CHRNE: variants seen among roughly 807,000 people sequenced by gnomAD.
CHRNE encodes the protein cholinergic receptor nicotinic epsilon subunit.
CHRNE carries 58 observed loss-of-function variants against 56.5 expected under a neutral mutation model. The observed-to-expected ratio is 1.03, with a 90% CI of 0.83 to 1.28. The LOEUF is 1.28. Among genes scored for constraint, CHRNE ranks in the 50% most tolerant of loss-of-function variants. The pLI is 0.00. For missense variants in CHRNE, 793 were observed against 688.9 expected (o/e 1.15, Z -1.69); for synonymous variants, 385 against 297.9 (o/e 1.29, Z -3.01).
Position 4,901,175 on chromosome 17 carries a change from G to GC in CHRNE, c.616dup (p.Ala206GlyfsTer24). ...GATCACCCCCGGGCAGAAGTCGATG[G>GC]CCCACTCGCCGTTCTCTGCGGGACG... On this transcript the variant is annotated frameshift_variant, in exon 7 of 12. Transcript: ENST00000649488. LOFTEE classifies it high-confidence loss of function. 1 of 1,605,240 alleles carries GC rather than the reference G, an allele frequency of 6.2e-7. No individual in the cohort carries two copies. The highest frequency in any genetic ancestry group is 8.5e-7 in the Non-Finnish European group (1 of 1,178,584).
chr17:4,905,666 G>C (rs1049367103), upstream of CHRNE, among the ~76,000 whole-genome samples: 3 of 152,192 alleles, frequency 2.0e-5, no homozygotes, highest in Admixed American at 6.5e-5. Context: ...TTCGAGACCA[G>C]TCTGGCCAAC....
In CHRNE at chr17:4,898,727, C is replaced by T. The variant is rs1202566120; in HGVS notation, c.*9G>A. 1.2e-6 allele frequency: 2 copies of T among 1,607,972 alleles called. No individual in the cohort carries two copies. Among genetic ancestry groups the T allele is most frequent in the East Asian group, 2.2e-5 (1 of 44,716 alleles). On this transcript the variant is annotated 3_prime_UTR_variant, in exon 12 of 12. Coordinates refer to ENST00000649488, the MANE Select transcript of CHRNE (RefSeq NM_000080.4). ...CTGGAGATGGGTGGGAAATTGAAGT[C>T]GGTGCGAGCTAAGGCTGGATACACG... is the stretch of plus-strand genomic sequence containing the variant.
At chr17:4,906,540 G>A (rs150939486), upstream of CHRNE, among the ~76,000 whole-genome samples, 4 of 152,146 alleles carry the variant, frequency 2.6e-5, no homozygotes, top group East Asian at 1.9e-4. Context: ...TTGAATAGAC[G>A]CTTCTCAAAA....
upstream of CHRNE, among the ~76,000 whole-genome samples, chr17:4,904,813 A>T (rs138500784): frequency 2.8e-3 from 432 of 152,328 alleles, no homozygotes; most frequent in Non-Finnish European, 5.1e-3. Flanking sequence ...AAGCGAGGAC[A>T]CATCAAATAA....
chr17:4,898,645 G>T lies in CHRNE; in HGVS notation c.*91C>A. ...ACAAACTGCAGATTGATCAGCAGGG[G>T]GAAGGGATCATAATGCCGTGGTGGC... On this transcript the variant is annotated 3_prime_UTR_variant, in exon 12 of 12. Transcript: ENST00000649488. The T allele has an allele frequency of 1.3e-6, 2 of 1,486,024 alleles. No individual in the cohort carries two copies. Among genetic ancestry groups the T allele is most frequent in the East Asian group, 2.4e-5 (1 of 41,320 alleles). The allele number at this position is 1,486,024 out of a possible 1,614,324, so 92.1% of individuals were successfully genotyped here. A position where few individuals can be genotyped will look rare whatever the true frequency, so the allele number is the denominator to read the frequency against.
chr17:4,899,126 G>C lies in CHRNE; in HGVS notation c.1220-19C>G. 1 of 1,603,584 alleles carries C rather than the reference G, an allele frequency of 6.2e-7. No homozygotes were observed. Among genetic ancestry groups the C allele is most frequent in the Non-Finnish European group, 8.5e-7 (1 of 1,176,868 alleles). On this transcript the variant is annotated intron_variant, in intron 10 of 11. Coordinates refer to ENST00000649488, the MANE Select transcript of CHRNE (RefSeq NM_000080.4). Reference sequence around the variant, plus strand: ...AAGGCAGCTGGCGGGGAAAACACCGGGGTGGGCCTTAGGAGCCTCCCCCCT... The same window carrying C: ...AAGGCAGCTGGCGGGGAAAACACCGCGGTGGGCCTTAGGAGCCTCCCCCCT...
At chr17:4,898,952 CAG>C (rs1384870742) in intron 11 of CHRNE, 47 bp downstream of exon 11, 2 of 1,559,490 alleles carry the variant, frequency 1.3e-6, no homozygotes, top group East Asian at 2.4e-5. Context: ...GCATGGGAGA[CAG>C]TGGTGGGCCT....
At chr17:4,901,350 A>C (rs1969978683) in intron 6 of CHRNE, 160 bp from the exon 7 acceptor site, 1 of 962,540 alleles carries the variant, frequency 1.0e-6, no homozygotes, top group African/African-American at 1.6e-5. Flanking sequence ...AGGGTATGGA[A>C]AGCCAGAAGG....
At chr17:4,900,763 G>A in intron 8 of CHRNE, 30 bp downstream of exon 8, 1 of 1,597,122 alleles carries the variant, frequency 6.3e-7, no homozygotes, top group Non-Finnish European at 8.6e-7. Context: ...CTTCACACTG[G>A]CCACACCCCC....
intron 8 of CHRNE, chr17:4,900,013 CAG>C: frequency 6.4e-7 from 1 of 1,551,552 alleles, no homozygotes. Context: ...AGCAGAGGTT[CAG>C]AGAGCTGAAG....
chr17:4,899,168 G>A (rs767787650), intron 10 of CHRNE, 30 bp downstream of exon 10: 9 of 1,591,662 alleles, frequency 5.7e-6, no homozygotes, highest in Admixed American at 5.2e-5. Flanking sequence ...CACCCCGCGC[G>A]GCCCCCCGGG....
Position 4,901,893 on chromosome 17 carries a change from C to CCA in CHRNE, c.500+38_500+39insTG, listed in dbSNP as rs374445478. ...GGCCCCGCCCCATAAGGCCCCCCCCCAACAATAATCGTCCGGGCCTCGGAG... is the reference window on the plus strand; with the variant it reads ...GGCCCCGCCCCATAAGGCCCCCCCCCCAAACAATAATCGTCCGGGCCTCGGAG... On this transcript the variant is annotated intron_variant, in intron 5 of 11. Coordinates refer to ENST00000649488, the MANE Select transcript of CHRNE (RefSeq NM_000080.4). 8.7e-6 allele frequency: 14 copies of CCA among 1,607,476 alleles called. No homozygotes were observed. In the African/African-American group the frequency reaches 1.5e-4, roughly 17 times the overall value.
Position 4,898,024 on chromosome 17 carries a change from CTGTT to C in CHRNE, c.*708_*711del, listed in dbSNP as rs1320811949. The C allele has an allele frequency of 6.9e-6, 1 of 144,672 alleles. No homozygotes were observed. The highest frequency in any genetic ancestry group is 7.1e-5 in the Admixed American group (1 of 13,996). 9.0% of individuals were successfully genotyped at this position (144,672 alleles called of 1,614,324 possible). On this transcript the variant is annotated 3_prime_UTR_variant, in exon 12 of 12. Coordinates refer to ENST00000649488, the MANE Select transcript of CHRNE (RefSeq NM_000080.4). ...CCTCAATGTAGTGGCCTTGGATATC[CTGTT>C]TGTTAATAAAGACAATTCAACCAGC...
chr17:4,899,034 G>A lies in CHRNE; in HGVS notation c.1293C>T (p.Ala431=), dbSNP rs33978919. 0.14 allele frequency: 231,932 copies of A among 1,609,810 alleles called. 18,126 individuals are homozygous for A. Among genetic ancestry groups the A allele is most frequent in the African/African-American group, 0.3 (22,293 of 74,944 alleles). Residue 431 remains alanine, a synonymous_variant, in exon 11 of 12, where the codon GCC becomes GCT. Coordinates refer to ENST00000649488, the MANE Select transcript of CHRNE (RefSeq NM_000080.4). The part of the protein sequence containing the change: ...RCCVDAVNFV[A]ESTRDQEATG... ...TGGCCTCCTGATCTCTCGTGCTCTC[G>A]GCCACGAAGTTCACGGCATCCACAC...
upstream of CHRNE, among the ~76,000 whole-genome samples, chr17:4,904,923 G>C (rs1970072754): frequency 6.6e-6 from 1 of 152,130 alleles, no homozygotes; most frequent in Non-Finnish European, 1.5e-5. Context: ...TCCCTTTCTG[G>C]GTCTCTTTGA....
In CHRNE at chr17:4,899,199, C is replaced by T. The variant is rs751373916; in HGVS notation, c.1218G>A (p.Thr406=). The change falls in exon 10 of 12, where the codon ACG becomes ACA. Residue 406 remains threonine, a splice_region_variant and synonymous_variant. Transcript: ENST00000649488. ...CCGGGCCAGGGCCACTGTGCTCACC[C>T]GTCCAGGTCCCCTGCCGGTGCCTCT... ...EGQRHRQGTW[T]AAFCQSLGAA... 5.6e-6 allele frequency: 9 copies of T among 1,603,246 alleles called. No homozygotes were observed. Among genetic ancestry groups the T allele is most frequent in the East Asian group, 2.3e-5 (1 of 44,264 alleles).
chr17:4,908,662 G>T (rs1970118923), intron 1 of CHRNE, among the ~76,000 whole-genome samples: 1 of 151,560 alleles, frequency 6.6e-6, no homozygotes, highest in Non-Finnish European at 1.5e-5. Context: ...TGAATGGGCT[G>T]CCTGACAATT....
In CHRNE at chr17:4,899,240, G is replaced by T; in HGVS notation, c.1177C>A (p.Leu393Ile). The T allele has an allele frequency of 6.2e-7, 1 of 1,606,960 alleles. No individual in the cohort carries two copies. ...ELILKKPRSE[L>I]VFEGQRHRQG... ...CGGTGCCTCTGCCCCTCAAACACGA[G>T]CTCGCTCCGTGGCTTTTTCAGTATC... The change falls in exon 10 of 12, where the codon CTC becomes ATC. Residue 393 changes from leucine (L) to isoleucine (I), a missense_variant. Leu to Ile is a conservative substitution (Grantham distance 5, BLOSUM62 2). Transcript: ENST00000649488.
At chr17:4,899,743 TC>T in intron 8 of CHRNE, 161 bp from the exon 9 acceptor site, 1 of 1,550,156 alleles carries the variant, frequency 6.5e-7, no homozygotes, top group Non-Finnish European at 8.7e-7. Context: ...CCTTCTCCTG[TC>T]CTACCACTTG....
Sources: allele counts gnomAD v4.1 joint callset (sites outside exome capture counted in the v4.1 genomes callset), GRCh38; gene constraint gnomAD v4.1.1; transcripts MANE v1.5; gene names NCBI Gene and HGNC (gene_info 2026-07-23, HGNC 2026-07-21).